Variants in MYLK4 observed in about 807,000 individuals in gnomAD.
MYLK4 encodes caMLCK like.
MYLK4 carries 46 observed loss-of-function variants against 48.1 expected under a neutral mutation model. The observed-to-expected ratio is 0.96, with a 90% CI of 0.75 to 1.22. The LOEUF is 1.22. MYLK4 is among the 50% of genes most tolerant of loss of function. The pLI, the probability that MYLK4 is intolerant of heterozygous loss-of-function variation, is 0.00. For missense variants in MYLK4, 451 were observed against 486.1 expected (o/e 0.93, Z 0.68); for synonymous variants, 170 against 180.8 (o/e 0.94, Z 0.48).
the MYLK4 span, chr6:2,765,793 C>G: frequency 7.1e-7 from 1 of 1,414,500 alleles, no homozygotes; most frequent in Non-Finnish European, 9.2e-7. Context: ...CGCACCGCGC[C>G]GGGGAGCGGG....
the MYLK4 span, chr6:2,766,192 C>T: frequency 5.7e-6 from 8 of 1,397,842 alleles, no homozygotes; most frequent in Admixed American, 6.6e-5. Flanking sequence ...GGCACTGGGA[C>T]GCGGACGCTG....
chr6:2,760,860 T>C, the MYLK4 span, among the ~76,000 whole-genome samples: 1 of 152,304 alleles, frequency 6.6e-6, no homozygotes, highest in South Asian at 2.1e-4. Flanking sequence ...GTGGCATAGA[T>C]TCCAGAAGAT....
At chr6:2,761,549 T>C in the MYLK4 span, among the ~76,000 whole-genome samples, 19 of 152,350 alleles carry the variant, frequency 1.2e-4, no homozygotes, top group African/African-American at 4.1e-4. Flanking sequence ...CAGGACCTAC[T>C]GGGTGCCAGG....
upstream of MYLK4, among the ~76,000 whole-genome samples, chr6:2,752,163 C>T (rs1008237018): frequency 2.6e-5 from 4 of 152,160 alleles, no homozygotes; most frequent in Non-Finnish European, 5.9e-5. Context: ...CTTGAGTGAG[C>T]CAGAGGCCAG....
chr6:2,711,370 CAAGT>C (rs1762667697), intron 2 of MYLK4, among the ~76,000 whole-genome samples: 1 of 152,178 alleles, frequency 6.6e-6, no homozygotes, highest in East Asian at 1.9e-4. Flanking sequence ...TTAATGAACT[CAAGT>C]TACAAATTAT....
chr6:2,679,816 A>G (rs996831528), intron 8 of MYLK4, among the ~76,000 whole-genome samples: 5 of 152,244 alleles, frequency 3.3e-5, no homozygotes, highest in Non-Finnish European at 2.9e-5. Flanking sequence ...TGAATTGTTA[A>G]TGTGTCCACG....
chr6:2,712,688 G>A (rs892517028), intron 2 of MYLK4, among the ~76,000 whole-genome samples: 4 of 152,074 alleles, frequency 2.6e-5, no homozygotes, highest in Non-Finnish European at 4.4e-5. Context: ...CAAATGAGAC[G>A]TGCCTCTCTT....
the MYLK4 span, among the ~76,000 whole-genome samples, chr6:2,757,385 C>T: frequency 6.6e-6 from 1 of 152,030 alleles, no homozygotes; most frequent in African/African-American, 2.4e-5. Context: ...GATAGGCAGC[C>T]TTGTATACTT....
chr6:2,714,937 G>A (rs980512664), intron 2 of MYLK4, among the ~76,000 whole-genome samples: 1 of 152,208 alleles, frequency 6.6e-6, no homozygotes, highest in Non-Finnish European at 1.5e-5. Flanking sequence ...GTTGCCAGGG[G>A]CTGGGGTCAG....
At chr6:2,712,065 C>T (rs912702) in intron 2 of MYLK4, among the ~76,000 whole-genome samples, 3 of 152,078 alleles carry the variant, frequency 2.0e-5, no homozygotes, top group Non-Finnish European at 4.4e-5. Flanking sequence ...AAGCAGAAGA[C>T]GGACTGCTGT....
the MYLK4 span, chr6:2,765,859 G>T: frequency 6.9e-7 from 1 of 1,440,784 alleles, no homozygotes; most frequent in African/African-American, 1.5e-5. Flanking sequence ...AGAGCTCGGC[G>T]CTGAAGCAGC....
chr6:2,763,376 G>C, the MYLK4 span, among the ~76,000 whole-genome samples: 364 of 152,328 alleles, frequency 2.4e-3, 2 homozygotes, highest in African/African-American at 8.5e-3. Context: ...CCTGGGTGCC[G>C]TGAGGCAGTA....
intron 2 of MYLK4, among the ~76,000 whole-genome samples, chr6:2,726,234 C>T (rs1561868755): frequency 1.3e-5 from 2 of 152,072 alleles, no homozygotes; most frequent in African/African-American, 4.8e-5. Context: ...TCTCTAACAG[C>T]AAAATCGCAA....
At chr6:2,683,254 C>A in intron 6 of MYLK4, 92 bp from the exon 7 acceptor site, 1 of 1,407,972 alleles carries the variant, frequency 7.1e-7, no homozygotes, top group Non-Finnish European at 9.8e-7. Flanking sequence ...GTTCTGCTAC[C>A]TCTTCTGAAA....
chr6:2,743,308 T>C (rs897680898), intron 2 of MYLK4, among the ~76,000 whole-genome samples: 3 of 152,206 alleles, frequency 2.0e-5, no homozygotes, highest in African/African-American at 7.2e-5. Context: ...GAGTCAAATA[T>C]GTGCAAAGAG....
At chr6:2,707,646 C>T (rs188686092) in intron 2 of MYLK4, among the ~76,000 whole-genome samples, 5 of 152,228 alleles carry the variant, frequency 3.3e-5, no homozygotes, top group Middle Eastern at 3.4e-3. Flanking sequence ...TTTATGAATT[C>T]GACTTTCAGT....
intron 2 of MYLK4, among the ~76,000 whole-genome samples, chr6:2,739,434 C>A (rs867230405): frequency 2.0e-5 from 3 of 152,128 alleles, no homozygotes; most frequent in Middle Eastern, 3.2e-3. Context: ...ATGAGCTGAC[C>A]CCCGAAGTTC....
At chr6:2,762,519 G>A in the MYLK4 span, among the ~76,000 whole-genome samples, 1 of 152,154 alleles carries the variant, frequency 6.6e-6, no homozygotes, top group Non-Finnish European at 1.5e-5. Flanking sequence ...CTCTATAAAT[G>A]TTTAAAATCA....
chr6:2,725,563 G>C (rs1416704618), intron 2 of MYLK4, among the ~76,000 whole-genome samples: 3 of 123,506 alleles, frequency 2.4e-5, no homozygotes, highest in Admixed American at 8.3e-5. Context: ...AACAAAGAAA[G>C]AAAGAAAGAA....
Sources: allele counts gnomAD v4.1 joint callset (sites outside exome capture counted in the v4.1 genomes callset), GRCh38; gene constraint gnomAD v4.1.1; transcripts MANE v1.5; gene names NCBI Gene and HGNC (gene_info 2026-07-23, HGNC 2026-07-21).